The following NELL1 variants were observed in gnomAD, a reference collection of about 807,000 sequenced individuals.
NELL1 encodes the protein protein kinase C-binding protein NELL1.
A neutral mutation model predicts 107.4 loss-of-function variants in NELL1; 76 were observed. The observed-to-expected ratio is 0.71, with a 90% CI of 0.59 to 0.86. The LOEUF is 0.86. Ranked by LOEUF, NELL1 falls within the 40% of genes least tolerant of loss-of-function variation. The pLI, the probability that NELL1 is intolerant of heterozygous loss-of-function variation, is 0.00. For synonymous variants in NELL1, 353 were observed against 341.2 expected (o/e 1.03, Z -0.38); for missense variants, 1,024 against 1,005.5 (o/e 1.02, Z -0.25).
intron 12 of NELL1, among the ~76,000 whole-genome samples, chr11:21,037,651 A>G (rs1299279604): frequency 6.6e-6 from 1 of 152,142 alleles, no homozygotes; most frequent in Non-Finnish European, 1.5e-5. Context: ...CCAAACAGTC[A>G]TCGAAACCTG....
chr11:20,735,391 A>C (rs904420380), intron 2 of NELL1, among the ~76,000 whole-genome samples: 1 of 152,192 alleles, frequency 6.6e-6, no homozygotes, highest in South Asian at 2.1e-4. Context: ...GGAGAAGCAA[A>C]CATGTTCTTC....
intron 16 of NELL1, among the ~76,000 whole-genome samples, chr11:21,547,101 T>C (rs960248625): frequency 6.6e-6 from 1 of 151,706 alleles, no homozygotes; most frequent in Non-Finnish European, 1.5e-5. Flanking sequence ...ACATTATAAA[T>C]CAGTAAAACA....
intron 16 of NELL1, among the ~76,000 whole-genome samples, chr11:21,544,885 G>A (rs1003184433): frequency 4.7e-5 from 7 of 148,938 alleles, no homozygotes; most frequent in African/African-American, 1.5e-4. Context: ...TTCAGATGAG[G>A]TTTTTTTTTT....
rs1564894955 is a variant in NELL1 at position 20,755,543 on chromosome 11, T to TTTTTTA, written c.185-28132_185-28131insATTTTT. Among the ~76,000 whole-genome samples, 62 of 39,330 alleles carry TTTTTTA rather than the reference T, an allele frequency of 1.6e-3. 1 individual carries two copies. The East Asian group carries it at 0.045, about 28-fold the overall frequency. The allele number at this position is 39,330 out of a possible 152,430, so 25.8% of individuals were successfully genotyped here. Reference sequence around the variant, plus strand: ...AAAAAGACCTGTGTGGGTTTTTGTTTTTTTTTGTTTTTGTTTTTGTTTTTT... The same window carrying TTTTTTA: ...AAAAAGACCTGTGTGGGTTTTTGTTTTTTTTATTTTTTGTTTTTGTTTTTGTTTTTT... On this transcript the variant is annotated intron_variant, in intron 2 of 19. Transcript: ENST00000357134.
rs1257213610 is a variant in NELL1, at chr11:21,560,205, C to T, written c.1803C>T (p.Ala601=). ...GESCIDIDEC[A]LRTHTCWNDS... is the part of the protein sequence containing the mutation. Reference sequence around the variant, plus strand: ...ATATTGCAGACATTGATGAATGTGCCTTAAGAACTCACACCTGTTGGAACG... The same window carrying T: ...ATATTGCAGACATTGATGAATGTGCTTTAAGAACTCACACCTGTTGGAACG... The change falls in exon 17 of 20, where the codon GCC becomes GCT. Residue 601 remains alanine (A), a synonymous_variant. Transcript: ENST00000357134. 6.2e-7 allele frequency: 1 copy of T among 1,613,656 alleles called. No homozygotes were observed. Among genetic ancestry groups the T allele is most frequent in the Non-Finnish European group, 8.5e-7 (1 of 1,179,710 alleles).
intron 2 of NELL1, among the ~76,000 whole-genome samples, chr11:20,738,609 C>A (rs1030005858): frequency 2.0e-5 from 3 of 152,084 alleles, no homozygotes; most frequent in Non-Finnish European, 4.4e-5. Context: ...TGAATAATAG[C>A]CCAGGTTCTG....
At chr11:20,896,091 T>C (rs1849731831) in intron 5 of NELL1, among the ~76,000 whole-genome samples, 1 of 152,118 alleles carries the variant, frequency 6.6e-6, no homozygotes, top group Non-Finnish European at 1.5e-5. Context: ...ATCACCCGAG[T>C]GGTGTACACA....
rs1565160417 is a variant in NELL1, at chr11:21,309,284, A to ATATATATATATGTATATATATATATG, written c.1550-61558_1550-61557insGTATATATATATATGTATATATATAT. On this transcript the variant is annotated intron_variant, in intron 14 of 19. Coordinates refer to ENST00000357134, the MANE Select transcript of NELL1 (RefSeq NM_006157.5). ...TGTATATATATATATATATATGTATATATATATATATATATGTATATATAT... is the reference window on the plus strand; with the variant it reads ...TGTATATATATATATATATATGTATATATATATATATGTATATATATATATGTATATATATATATATGTATATATAT... Among the ~76,000 whole-genome samples, 6 of 62,782 alleles carry ATATATATATATGTATATATATATATG rather than the reference A, an allele frequency of 9.6e-5. No homozygotes were observed. In the South Asian group the frequency reaches 4.1e-3, roughly 43 times the overall value. 41.2% of individuals were successfully genotyped at this position (62,782 alleles called of 152,430 possible).
At chr11:21,224,592 C>T (rs908967643) in intron 13 of NELL1, among the ~76,000 whole-genome samples, 1 of 152,076 alleles carries the variant, frequency 6.6e-6, no homozygotes, top group Non-Finnish European at 1.5e-5. Context: ...CCAAAATTCA[C>T]ATATTTGTTT....
chr11:20,968,113 C>G (rs915794029), intron 12 of NELL1, among the ~76,000 whole-genome samples: 1 of 152,204 alleles, frequency 6.6e-6, no homozygotes, highest in Non-Finnish European at 1.5e-5. Context: ...GCTAAATTAG[C>G]TCTGCTGCTA....
chr11:21,557,883 TTC>T (rs1167043203), intron 16 of NELL1, among the ~76,000 whole-genome samples: 3 of 152,032 alleles, frequency 2.0e-5, no homozygotes, highest in Non-Finnish European at 4.4e-5. Context: ...CCATATAGTA[TTC>T]TGTTATACTC....
intron 2 of NELL1, among the ~76,000 whole-genome samples, chr11:20,714,739 A>G (rs1335361949): frequency 6.6e-6 from 1 of 152,044 alleles, no homozygotes; most frequent in Non-Finnish European, 1.5e-5. Context: ...AAGAGTATTT[A>G]TTAGAAAATA....
At chr11:21,016,896 A>G (rs146803626) in intron 12 of NELL1, among the ~76,000 whole-genome samples, 2 of 152,222 alleles carry the variant, frequency 1.3e-5, no homozygotes, top group African/African-American at 4.8e-5. Flanking sequence ...ATATGACTGC[A>G]AAGTCCAAAA....
At chr11:20,811,510 G>A (rs1316586490) in intron 3 of NELL1, among the ~76,000 whole-genome samples, 1 of 151,794 alleles carries the variant, frequency 6.6e-6, no homozygotes, top group Non-Finnish European at 1.5e-5. Context: ...GGGATTGCAT[G>A]GAATCTGTAG....
chr11:20,818,704 T>TC (rs1272583065), intron 3 of NELL1, among the ~76,000 whole-genome samples: 6 of 152,206 alleles, frequency 3.9e-5, no homozygotes, highest in African/African-American at 1.4e-4. Flanking sequence ...CTTATCATTG[T>TC]CTAGCTTGGG....
chr11:21,290,387 TA>T (rs1274889917), intron 14 of NELL1, among the ~76,000 whole-genome samples: 8 of 109,882 alleles, frequency 7.3e-5, no homozygotes, highest in African/African-American at 1.8e-4. Flanking sequence ...AATAAATAAA[TA>T]AAATAAATAG....
At chr11:20,878,478 G>A (rs1252446118) in intron 4 of NELL1, among the ~76,000 whole-genome samples, 3 of 151,662 alleles carry the variant, frequency 2.0e-5, no homozygotes, top group African/African-American at 7.3e-5. Context: ...TTGTCTGCCT[G>A]ATAGATTCAA....
chr11:21,448,684 A>G (rs150719286), intron 15 of NELL1, among the ~76,000 whole-genome samples: 3 of 152,262 alleles, frequency 2.0e-5, no homozygotes, highest in African/African-American at 7.2e-5. Context: ...ATATCAAGCA[A>G]TCCTAAAATT....
At chr11:21,043,731 A>G (rs1853293090) in intron 12 of NELL1, among the ~76,000 whole-genome samples, 1 of 152,142 alleles carries the variant, frequency 6.6e-6, no homozygotes, top group African/African-American at 2.4e-5. Flanking sequence ...AAGATAAAGG[A>G]AAGTGAATGA....
Sources: allele counts gnomAD v4.1 joint callset (sites outside exome capture counted in the v4.1 genomes callset), GRCh38; gene constraint gnomAD v4.1.1; transcripts MANE v1.5; gene names NCBI Gene and HGNC (gene_info 2026-07-23, HGNC 2026-07-21).